PCDH11X: variants seen among roughly 807,000 people sequenced by gnomAD.
PCDH11X encodes protocadherin 11 X-linked.
In PCDH11X, 18 loss-of-function variants were observed where a neutral mutation model predicts 53.3. That is an observed-to-expected ratio of 0.34 (90% CI 0.23 to 0.50). The LOEUF (loss-of-function observed/expected upper bound fraction) is 0.50, where lower values mean the gene tolerates loss of function less well. Among genes scored for constraint, PCDH11X ranks in the 20% least tolerant of loss-of-function variants. The probability of loss-of-function intolerance (pLI) is 0.98; values close to 1 mark genes in which losing one functional copy is unlikely to be tolerated. For synonymous variants in PCDH11X, 279 were observed against 393.3 expected, an observed-to-expected ratio of 0.71 and a Z score of 3.44; for missense variants, 570 against 1,032.4, an observed-to-expected ratio of 0.55 and a Z score of 6.14.
In PCDH11X at chrX:92,306,159, G is replaced by A. The variant is rs985539150; in HGVS notation, c.3144+43016G>A. The stretch of plus-strand genomic sequence containing the variant: ...ATTTCTTAAACAACCAATAGGTCAA[G>A]GAAGAAGTTGCAAGGGAAAATATAA... On this transcript the variant is annotated intron_variant, in intron 8 of 10. Transcript: ENST00000682573. 4.6e-5 allele frequency among the ~76,000 whole-genome samples: 5 copies of A among 109,221 alleles called. No individual in the cohort carries two copies. The Admixed American group carries it at 4.9e-4, about 11-fold the overall frequency. 94.8% of individuals were successfully genotyped at this position (109,221 alleles called of 115,157 possible). A position where few individuals can be genotyped will look rare whatever the true frequency, so the allele number is the denominator to read the frequency against.
chrX:92,260,411 C>G (rs928572327), intron 7 of PCDH11X, among the ~76,000 whole-genome samples: 1 of 110,820 alleles, frequency 9.0e-6, no homozygotes, highest in East Asian at 2.9e-4. Flanking sequence ...TTGCTGTGTT[C>G]TCCCTCCCCC....
At chrX:91,880,389 A>G (rs2147738556) in intron 6 of PCDH11X, among the ~76,000 whole-genome samples, 1 of 111,308 alleles carries the variant, frequency 9.0e-6, no homozygotes, top group Non-Finnish European at 1.9e-5. Context: ...AAATAGTAGC[A>G]ATGTGAAAAT....
chrX:92,355,690 T>C (rs1008767375), intron 8 of PCDH11X, among the ~76,000 whole-genome samples: 19 of 107,975 alleles, frequency 1.8e-4, no homozygotes, highest in Non-Finnish European at 3.8e-5. Flanking sequence ...GGAGCTATTA[T>C]AGATATTTCA....
chrX:92,606,232 CAAAAAAAA>C (rs61522182), intron 10 of PCDH11X, among the ~76,000 whole-genome samples: 1 of 32,834 alleles, frequency 3.0e-5, no homozygotes, highest in East Asian at 1.2e-3. Context: ...AATTCCGTCT[CAAAAAAAA>C]AAAAAAAAAA....
At chrX:91,846,506 T>TA (rs1384485051) in intron 5 of PCDH11X, among the ~76,000 whole-genome samples, 1 of 108,864 alleles carries the variant, frequency 9.2e-6, no homozygotes, top group African/African-American at 3.4e-5. Flanking sequence ...TAGTCCCAGC[T>TA]ACTCCGGAGG....
At chrX:92,306,110 A>G (rs182402169) in intron 8 of PCDH11X, among the ~76,000 whole-genome samples, 2 of 111,496 alleles carry the variant, frequency 1.8e-5, no homozygotes, top group Non-Finnish European at 3.8e-5. Flanking sequence ...TCAACGATAG[A>G]AGGAAAATCC....
At chrX:91,886,874 G>A (rs1487972247) in intron 6 of PCDH11X, among the ~76,000 whole-genome samples, 1 of 106,335 alleles carries the variant, frequency 9.4e-6, no homozygotes, top group Non-Finnish European at 1.9e-5. Context: ...GGGAGGCTGA[G>A]GCAGGAGAAT....
chrX:92,372,102 C>G (rs1603292482), intron 8 of PCDH11X, among the ~76,000 whole-genome samples: 1 of 110,430 alleles, frequency 9.1e-6, no homozygotes, highest in Admixed American at 9.7e-5. Context: ...AGCCAGAATC[C>G]ATGTAGGACA....
chrX:92,194,721 GC>G (rs2066264135), intron 6 of PCDH11X, among the ~76,000 whole-genome samples: 2 of 107,209 alleles, frequency 1.9e-5, no homozygotes, highest in South Asian at 8.1e-4. Flanking sequence ...TCTCCCAGGT[GC>G]CCTAGGGCAG....
intron 7 of PCDH11X, among the ~76,000 whole-genome samples, chrX:92,248,081 A>G (rs1321797362): frequency 1.8e-5 from 2 of 112,115 alleles, no homozygotes; most frequent in Non-Finnish European, 3.8e-5. Context: ...GTGGAAGTTC[A>G]GCATGGAATT....
chrX:92,550,907 A>T (rs191902287), intron 10 of PCDH11X, among the ~76,000 whole-genome samples: 2,428 of 108,742 alleles, frequency 0.022, 84 homozygotes, highest in African/African-American at 0.077. Flanking sequence ...ATTGTTGCAT[A>T]TGACTGGATC....
chrX:91,949,629 C>T lies in PCDH11X; in HGVS notation c.3033+70356C>T, dbSNP rs559065833. Among the ~76,000 whole-genome samples, 339 of 110,109 alleles carry T rather than the reference C, an allele frequency of 3.1e-3. 5 individuals are homozygous for T. In the South Asian group the frequency reaches 0.043, roughly 14 times the overall value. On this transcript the variant is annotated intron_variant, in intron 6 of 10. Transcript: ENST00000682573. ...CTGTGATAAATCACTCGGCTTCTAG[C>T]GCTGTTTTCTCTGCTGTAAAATTAA...
intron 6 of PCDH11X, among the ~76,000 whole-genome samples, chrX:92,084,274 G>A (rs753440366): frequency 1.8e-5 from 2 of 109,985 alleles, no homozygotes; most frequent in Non-Finnish European, 3.8e-5. Flanking sequence ...CGGGCCGGGT[G>A]CAGTGGCTAA....
chrX:92,105,595 T>C (rs1338529565), intron 6 of PCDH11X, among the ~76,000 whole-genome samples: 1 of 104,858 alleles, frequency 9.5e-6, no homozygotes, highest in African/African-American at 3.5e-5. Flanking sequence ...TAAAGGAAAA[T>C]TACAGTCAAA....
At chrX:92,372,688 G>A (rs2015498147) in intron 8 of PCDH11X, among the ~76,000 whole-genome samples, 1 of 108,921 alleles carries the variant, frequency 9.2e-6, no homozygotes, top group African/African-American at 3.4e-5. Context: ...TTTTAAATGA[G>A]GTAGCAATGC....
chrX:92,419,275 C>T (rs867982250), intron 9 of PCDH11X, among the ~76,000 whole-genome samples: 2 of 88,899 alleles, frequency 2.2e-5, no homozygotes, highest in Non-Finnish European at 2.2e-5. Flanking sequence ...TTTTTTTGTT[C>T]TTTTTTTTTT....
chrX:92,188,070 T>C (rs1386778221), intron 6 of PCDH11X, among the ~76,000 whole-genome samples: 2 of 111,272 alleles, frequency 1.8e-5, no homozygotes, highest in Non-Finnish European at 3.8e-5. Flanking sequence ...TCTCTACCCA[T>C]TGAAGAGAGT....
chrX:92,577,402 C>G (rs1347050366), intron 10 of PCDH11X, among the ~76,000 whole-genome samples: 2 of 109,926 alleles, frequency 1.8e-5, no homozygotes, highest in Non-Finnish European at 1.9e-5. Context: ...TCCCCCTTAT[C>G]ATTTCTGAAT....
chrX:91,907,412 C>CCCACACACAGAGAGAGAGAG (rs1556333002), intron 6 of PCDH11X, among the ~76,000 whole-genome samples: 4 of 57,469 alleles, frequency 7.0e-5, no homozygotes, highest in East Asian at 6.0e-4. Context: ...CACACACACA[C>CCCACACACAGAGAGAGAGAG]AGAGAGAGAG....
Sources: allele counts gnomAD v4.1 joint callset (sites outside exome capture counted in the v4.1 genomes callset), GRCh38; gene constraint gnomAD v4.1.1; transcripts MANE v1.5; gene names NCBI Gene and HGNC (gene_info 2026-07-23, HGNC 2026-07-21).